Variants in EFCAB6 observed in about 807,000 individuals in gnomAD.
EFCAB6 encodes the protein EF-hand calcium-binding domain-containing protein 6.
EFCAB6 carries 156 observed loss-of-function variants against 169.8 expected under a neutral mutation model. The ratio of observed to expected loss-of-function variants is 0.92; its 90% CI spans 0.81 to 1.05. EFCAB6 has a LOEUF of 1.05. EFCAB6 is among the 50% of genes least tolerant of loss of function. EFCAB6 has a pLI of 0.00. For missense variants in EFCAB6, 1,800 were observed against 1,829.1 expected (o/e 0.98, Z 0.29); for synonymous variants, 698 against 676.4 (o/e 1.03, Z -0.50).
At chr22:43,546,450 C>G (rs969888498) in intron 27 of EFCAB6, among the ~76,000 whole-genome samples, 2 of 152,014 alleles carry the variant, frequency 1.3e-5, no homozygotes, top group African/African-American at 2.4e-5. Flanking sequence ...AAAGGCGCGG[C>G]CTTAAAAGCA....
At chr22:43,630,542 T>C (rs2054865730) in intron 19 of EFCAB6, among the ~76,000 whole-genome samples, 1 of 151,442 alleles carries the variant, frequency 6.6e-6, no homozygotes, top group Non-Finnish European at 1.5e-5. Context: ...GAGGAGAGAG[T>C]CTGAGAGAGG....
At chr22:43,656,901 T>A (rs1363158998) in intron 17 of EFCAB6, among the ~76,000 whole-genome samples, 1 of 152,242 alleles carries the variant, frequency 6.6e-6, no homozygotes, top group East Asian at 1.9e-4. Context: ...TCTCAGAATG[T>A]GTCCCTGTCA....
rs934565712 is a variant in EFCAB6, at chr22:43,576,375, C to CA, written c.3341dup (p.Leu1114PhefsTer22). 9 of 1,600,260 alleles carry CA rather than the reference C, an allele frequency of 5.6e-6. No individual in the cohort carries two copies. The highest frequency in any genetic ancestry group is 1.4e-5 in the African/African-American group (1 of 73,978). ...GGGTTAGATGAATTCTTAGTTTCCT[C>CA]AAAAAATAATGATACTGATTGTCCG... On this transcript the variant is annotated frameshift_variant, in exon 26 of 32. Coordinates refer to ENST00000262726, the MANE Select transcript of EFCAB6 (RefSeq NM_022785.4). LOFTEE classifies it high-confidence loss of function.
intron 9 of EFCAB6, among the ~76,000 whole-genome samples, chr22:43,713,935 C>G (rs2059245046): frequency 1.3e-5 from 2 of 151,946 alleles, no homozygotes; most frequent in South Asian, 4.2e-4. Context: ...GACAAAGAAC[C>G]CGGAATGGAA....
chr22:43,545,418 A>G (rs1362279683), intron 27 of EFCAB6, among the ~76,000 whole-genome samples: 2 of 152,250 alleles, frequency 1.3e-5, no homozygotes, highest in Non-Finnish European at 2.9e-5. Flanking sequence ...TGATGGATAC[A>G]TATTTTTAAA....
At chr22:43,783,644 G>T (rs2061909028) in intron 2 of EFCAB6, among the ~76,000 whole-genome samples, 1 of 152,084 alleles carries the variant, frequency 6.6e-6, no homozygotes, top group Non-Finnish European at 1.5e-5. Flanking sequence ...ATATAACAAA[G>T]AATACAGACT....
intron 22 of EFCAB6, 108 bp from the exon 23 acceptor site, chr22:43,600,371 T>A (rs901782459): frequency 1.8e-6 from 2 of 1,141,362 alleles, no homozygotes; most frequent in Non-Finnish European, 2.5e-6. Flanking sequence ...TCGTCTTCCA[T>A]CCCTCACCAC....
chr22:43,739,939 C>T (rs1215397441), intron 6 of EFCAB6, among the ~76,000 whole-genome samples: 1 of 152,130 alleles, frequency 6.6e-6, no homozygotes, highest in Non-Finnish European at 1.5e-5. Context: ...TCCCATTCCA[C>T]TCGCTGTGAC....
chr22:43,745,387 C>T (rs17490800), intron 6 of EFCAB6, among the ~76,000 whole-genome samples: 6,409 of 152,276 alleles, frequency 0.042, 154 homozygotes, highest in Non-Finnish European at 0.052. Flanking sequence ...CAGCATAACC[C>T]GCAGACGAAC....
At chr22:43,743,990 A>G (rs946971417) in intron 6 of EFCAB6, among the ~76,000 whole-genome samples, 1 of 81,552 alleles carries the variant, frequency 1.2e-5, no homozygotes, top group Non-Finnish European at 2.9e-5. Context: ...TAGATAGGTA[A>G]ATGGATGAAT....
chr22:43,630,546 A>G (rs575214538), intron 19 of EFCAB6, among the ~76,000 whole-genome samples: 6 of 151,826 alleles, frequency 4.0e-5, no homozygotes, highest in Non-Finnish European at 8.8e-5. Flanking sequence ...AGAGAGTCTG[A>G]GAGAGGGAAC....
chr22:43,758,120 A>AT (rs11419537), intron 5 of EFCAB6, among the ~76,000 whole-genome samples: 75,964 of 151,842 alleles, frequency 0.5, 20,097 homozygotes, highest in African/African-American at 0.65. Flanking sequence ...CTATTACATA[A>AT]TTTTTCTATC....
intron 12 of EFCAB6, among the ~76,000 whole-genome samples, chr22:43,681,892 T>C (rs531417859): frequency 6.6e-6 from 1 of 152,280 alleles, no homozygotes; most frequent in East Asian, 1.9e-4. Flanking sequence ...TAAATGTAAG[T>C]GATCACAGCA....
intron 3 of EFCAB6, among the ~76,000 whole-genome samples, chr22:43,777,826 C>T (rs903086949): frequency 6.6e-6 from 1 of 152,010 alleles, no homozygotes; most frequent in African/African-American, 2.4e-5. Context: ...CTTTTTATTC[C>T]ACGTGCCTAA....
chr22:43,711,025 A>G (rs1339923683), intron 10 of EFCAB6, among the ~76,000 whole-genome samples: 1 of 152,242 alleles, frequency 6.6e-6, no homozygotes, highest in Non-Finnish European at 1.5e-5. Context: ...AGTTGAAACT[A>G]CAGACTTAAT....
At chr22:43,758,363 T>C (rs1664809321) in intron 5 of EFCAB6, among the ~76,000 whole-genome samples, 1 of 152,214 alleles carries the variant, frequency 6.6e-6, no homozygotes, top group Non-Finnish European at 1.5e-5. Flanking sequence ...TATTTTAAAA[T>C]CATTTCAATT....
intron 10 of EFCAB6, among the ~76,000 whole-genome samples, chr22:43,694,336 A>T (rs896945133): frequency 3.3e-5 from 5 of 152,096 alleles, no homozygotes; most frequent in Non-Finnish European, 7.4e-5. Flanking sequence ...ATATTCCCTC[A>T]AACTAACTCC....
chr22:43,709,834 A>T (rs151232744), intron 10 of EFCAB6, among the ~76,000 whole-genome samples: 29 of 152,328 alleles, frequency 1.9e-4, no homozygotes, highest in African/African-American at 7.0e-4. Flanking sequence ...TGAGCCATGG[A>T]AACATTTACT....
chr22:43,741,192 C>G (rs2060356755), intron 6 of EFCAB6, among the ~76,000 whole-genome samples: 1 of 152,054 alleles, frequency 6.6e-6, no homozygotes, highest in Non-Finnish European at 1.5e-5. Flanking sequence ...TGTGCACACC[C>G]CACCCCCTCC....
Sources: gnomAD v4.1 joint callset for allele counts (sites outside exome capture counted in the v4.1 genomes callset) on GRCh38, gnomAD v4.1.1 for gene constraint, MANE v1.5 for transcripts, NCBI Gene and HGNC (gene_info 2026-07-23, HGNC 2026-07-21) for gene names.